Variants in TMEM132D observed in about 807,000 individuals in gnomAD.
The protein encoded by TMEM132D is mature OL transmembrane protein.
TMEM132D carries 21 observed loss-of-function variants against 62.3 expected under a neutral mutation model. That is an observed-to-expected ratio of 0.34 (90% CI 0.24 to 0.49). The LOEUF is 0.49. TMEM132D is among the 20% of genes least tolerant of loss of function. The pLI, the probability that TMEM132D is intolerant of heterozygous loss-of-function variation, is 0.99. For missense variants in TMEM132D, 1,346 were observed against 1,402.8 expected, an observed-to-expected ratio of 0.96 and a Z score of 0.65; for synonymous variants, 621 against 575.6, an observed-to-expected ratio of 1.08 and a Z score of -1.13.
At chr12:129,715,141 C>G (rs1868526228) in intron 1 of TMEM132D, among the ~76,000 whole-genome samples, 1 of 152,082 alleles carries the variant, frequency 6.6e-6, no homozygotes, top group South Asian at 2.1e-4. Flanking sequence ...TTTCCTTCCC[C>G]ATTTTCTAAG....
At chr12:129,369,125 T>G (rs919082305) in intron 3 of TMEM132D, among the ~76,000 whole-genome samples, 1 of 152,192 alleles carries the variant, frequency 6.6e-6, no homozygotes, top group Non-Finnish European at 1.5e-5. Flanking sequence ...CTATTCGACT[T>G]GGACCTTTGT....
chr12:129,274,926 A>G (rs1027244058), intron 4 of TMEM132D, among the ~76,000 whole-genome samples: 6 of 152,168 alleles, frequency 3.9e-5, no homozygotes, highest in African/African-American at 1.4e-4. Flanking sequence ...TTTACTACAA[A>G]TGATAACAAT....
At chr12:129,752,664 C>T (rs1485815074) in intron 1 of TMEM132D, among the ~76,000 whole-genome samples, 1 of 152,192 alleles carries the variant, frequency 6.6e-6, no homozygotes, top group Non-Finnish European at 1.5e-5. Context: ...TTCACCTATG[C>T]TATGGACAAT....
At chr12:129,423,989 G>T (rs144817517) in intron 3 of TMEM132D, among the ~76,000 whole-genome samples, 2 of 152,112 alleles carry the variant, frequency 1.3e-5, no homozygotes, top group East Asian at 3.9e-4. Context: ...TTTAGAAAAT[G>T]ACATAAAAAT....
At chr12:129,640,871 T>C (rs954638857) in intron 2 of TMEM132D, among the ~76,000 whole-genome samples, 10 of 152,114 alleles carry the variant, frequency 6.6e-5, no homozygotes, top group African/African-American at 2.4e-4. Flanking sequence ...TAGATTCTCA[T>C]AGGAGTGCCA....
chr12:129,875,609 A>G (rs1874394242), intron 1 of TMEM132D, among the ~76,000 whole-genome samples: 1 of 152,104 alleles, frequency 6.6e-6, no homozygotes. Flanking sequence ...GGCGGGGAAG[A>G]GAGGCGTGGC....
In TMEM132D at chr12:129,099,980, T is replaced by C. The variant is rs1351962808; in HGVS notation, c.1444-15278A>G. Reference sequence around the variant, plus strand: ...AGCTGGGACTACAGGTGCCCGCCACTACGCCCGGCTAATTTTTTGTATTTT... The same window carrying C: ...AGCTGGGACTACAGGTGCCCGCCACCACGCCCGGCTAATTTTTTGTATTTT... On this transcript the variant is annotated intron_variant, in intron 5 of 8. Transcript: ENST00000422113. Among the ~76,000 whole-genome samples, 2 of 120,728 alleles carry C rather than the reference T, an allele frequency of 1.7e-5. 1 individual carries two copies. Among genetic ancestry groups the C allele is most frequent in the African/African-American group, 1.4e-4 (2 of 13,930 alleles). The allele number at this position is 120,728 out of a possible 152,430, so 79.2% of individuals were successfully genotyped here.
At chr12:129,545,949 T>C (rs1593060525) in intron 2 of TMEM132D, among the ~76,000 whole-genome samples, 1 of 152,190 alleles carries the variant, frequency 6.6e-6, no homozygotes, top group Non-Finnish European at 1.5e-5. Context: ...ATGGGAATCA[T>C]AGCAGAAGGA....
intron 4 of TMEM132D, among the ~76,000 whole-genome samples, chr12:129,213,735 C>A (rs1879118590): frequency 6.6e-6 from 1 of 152,132 alleles, no homozygotes; most frequent in South Asian, 2.1e-4. Context: ...AACTCCATCA[C>A]TGCCCCACGC....
chr12:129,724,934 T>C lies in TMEM132D; in HGVS notation c.80-24236A>G, dbSNP rs151302214. On this transcript the variant is annotated intron_variant, in intron 1 of 8. Coordinates refer to ENST00000422113, the MANE Select transcript of TMEM132D (RefSeq NM_133448.3). ...TTGTGAAGTCTCCCCTCCAGCTAGGTTGGGGATCATGTGCCTCACTTCTAA... is the reference window on the plus strand; with the variant it reads ...TTGTGAAGTCTCCCCTCCAGCTAGGCTGGGGATCATGTGCCTCACTTCTAA... Among the ~76,000 whole-genome samples, 185 of 152,322 alleles carry C rather than the reference T, an allele frequency of 1.2e-3. 1 individual carries two copies. Among genetic ancestry groups the C allele is most frequent in the African/African-American group, 4.3e-3 (177 of 41,582 alleles).
chr12:129,786,434 G>GA (rs1179201905), intron 1 of TMEM132D, among the ~76,000 whole-genome samples: 5 of 151,778 alleles, frequency 3.3e-5, no homozygotes, highest in Non-Finnish European at 5.9e-5. Flanking sequence ...TGTCACAAGG[G>GA]AAAAAAAACC....
intron 2 of TMEM132D, among the ~76,000 whole-genome samples, chr12:129,695,092 G>A (rs993944193): frequency 1.3e-5 from 2 of 152,242 alleles, no homozygotes; most frequent in Non-Finnish European, 2.9e-5. Flanking sequence ...GATTCTGGGA[G>A]CTGCCTGATT....
intron 1 of TMEM132D, among the ~76,000 whole-genome samples, chr12:129,704,264 G>GT (rs1881451185): frequency 6.6e-6 from 1 of 152,226 alleles, no homozygotes; most frequent in Non-Finnish European, 1.5e-5. Context: ...GTAGATAGCT[G>GT]TAAGATATCT....
intron 1 of TMEM132D, among the ~76,000 whole-genome samples, chr12:129,843,936 A>T (rs911166617): frequency 1.3e-5 from 2 of 151,716 alleles, no homozygotes; most frequent in Non-Finnish European, 2.9e-5. Flanking sequence ...AAAAATTAAA[A>T]AAAAAATTTT....
chr12:129,342,846 C>G (rs1388489871), intron 3 of TMEM132D, among the ~76,000 whole-genome samples: 2 of 152,164 alleles, frequency 1.3e-5, no homozygotes, highest in South Asian at 4.1e-4. Context: ...CACTGGCCAT[C>G]AGAGAAATGC....
chr12:129,672,711 A>T (rs1565944054), intron 2 of TMEM132D, among the ~76,000 whole-genome samples: 1 of 152,224 alleles, frequency 6.6e-6, no homozygotes, highest in Non-Finnish European at 1.5e-5. Context: ...GCATATATGT[A>T]TATATAAATA....
intron 3 of TMEM132D, among the ~76,000 whole-genome samples, chr12:129,380,570 CGTGTGTGT>C (rs1324824981): frequency 2.8e-5 from 4 of 141,398 alleles, no homozygotes; most frequent in African/African-American, 7.8e-5. Context: ...TGTGTGTGTG[CGTGTGTGT>C]GTGTGCATCT....
At chr12:129,214,802 A>T (rs931625257) in intron 4 of TMEM132D, among the ~76,000 whole-genome samples, 2 of 152,230 alleles carry the variant, frequency 1.3e-5, no homozygotes, top group Non-Finnish European at 2.9e-5. Flanking sequence ...AAAGATTTTT[A>T]AAAACCCACA....
chr12:129,829,899 C>G (rs1872777458), intron 1 of TMEM132D, among the ~76,000 whole-genome samples: 1 of 152,186 alleles, frequency 6.6e-6, no homozygotes, highest in East Asian at 1.9e-4. Context: ...ACTGCTGCAA[C>G]CAACTGAATC....
Sources: gnomAD v4.1 joint callset for allele counts (sites outside exome capture counted in the v4.1 genomes callset) on GRCh38, gnomAD v4.1.1 for gene constraint, MANE v1.5 for transcripts, NCBI Gene and HGNC (gene_info 2026-07-23, HGNC 2026-07-21) for gene names.